Variants in ROR2 observed in about 807,000 individuals in gnomAD.
The protein encoded by ROR2 is ROR family WNT receptor 2.
A neutral mutation model predicts 74.9 loss-of-function variants in ROR2; 33 were observed. The ratio of observed to expected loss-of-function variants is 0.44; its 90% CI spans 0.33 to 0.59. The LOEUF (loss-of-function observed/expected upper bound fraction) is 0.59, where lower values mean the gene tolerates loss of function less well. ROR2 is among the 20% of genes least tolerant of loss of function. ROR2 has a pLI of 0.02. For synonymous variants in ROR2, 586 were observed against 558.7 expected (o/e 1.05, Z -0.69); for missense variants, 1,216 against 1,313.8 (o/e 0.93, Z 1.15).
intron 2 of ROR2, among the ~76,000 whole-genome samples, chr9:91,774,138 T>C (rs1023370687): frequency 4.6e-5 from 7 of 152,186 alleles, no homozygotes; most frequent in African/African-American, 1.7e-4. Flanking sequence ...TTTTTCTTCC[T>C]AAGGAAATGT....
intron 1 of ROR2, among the ~76,000 whole-genome samples, chr9:91,780,611 T>A (rs936061746): frequency 1.3e-5 from 2 of 151,562 alleles, no homozygotes; most frequent in African/African-American, 4.9e-5. Flanking sequence ...GCCAACGTGG[T>A]GAAATCCCAT....
intron 1 of ROR2, among the ~76,000 whole-genome samples, chr9:91,800,102 G>C (rs910464237): frequency 9.9e-5 from 15 of 152,220 alleles, no homozygotes; most frequent in Non-Finnish European, 1.6e-4. Context: ...AGCACTTTGG[G>C]AGGCTGAAGT....
chr9:91,828,512 G>A (rs1022413854), intron 1 of ROR2, among the ~76,000 whole-genome samples: 3 of 152,104 alleles, frequency 2.0e-5, no homozygotes, highest in African/African-American at 4.8e-5. Flanking sequence ...TCAGGAGTTC[G>A]AGACCAGCCT....
chr9:91,902,195 G>A (rs1410002718), intron 1 of ROR2, among the ~76,000 whole-genome samples: 3 of 152,110 alleles, frequency 2.0e-5, no homozygotes, highest in African/African-American at 7.2e-5. Flanking sequence ...ACAAAGAAGA[G>A]GAAGGAGAAA....
chr9:91,753,687 A>G lies in ROR2; in HGVS notation c.494+2384T>C, dbSNP rs577644712. 2.6e-5 allele frequency among the ~76,000 whole-genome samples: 4 copies of G among 152,314 alleles called. No homozygotes were observed. The South Asian group carries it at 6.2e-4, about 24-fold the overall frequency. ...ATGCCTGTCACAATGGAACAGTCAC[A>G]TGCTCTGCACATGAGTCCAGAAACA... On this transcript the variant is annotated intron_variant, in intron 4 of 8. Coordinates refer to ENST00000375708, the MANE Select transcript of ROR2 (RefSeq NM_004560.4).
chr9:91,722,961 C>A lies in ROR2; in HGVS notation c.*701G>T, dbSNP rs114631492. 343 of 201,140 alleles carry A rather than the reference C, an allele frequency of 1.7e-3. No homozygotes were observed. The highest frequency in any genetic ancestry group is 7.6e-3 in the African/African-American group (333 of 43,908). 12.5% of individuals were successfully genotyped at this position (201,140 alleles called of 1,614,324 possible). A position where few individuals can be genotyped will look rare whatever the true frequency, so the allele number is the denominator to read the frequency against. On this transcript the variant is annotated 3_prime_UTR_variant, in exon 9 of 9. Coordinates refer to ENST00000375708, the MANE Select transcript of ROR2 (RefSeq NM_004560.4). The stretch of plus-strand genomic sequence containing the variant: ...CATTCCAAACCCAAGAAACACTTTC[C>A]CTTGAATTCCCAAAAAAAGTGGGCA...
At chr9:91,819,046 G>C (rs1253907614) in intron 1 of ROR2, among the ~76,000 whole-genome samples, 2 of 152,178 alleles carry the variant, frequency 1.3e-5, no homozygotes, top group African/African-American at 4.8e-5. Flanking sequence ...GAGGTGGTCC[G>C]CCTCTTCCTC....
At chr9:91,725,488 G>A (rs1468675265) in intron 8 of ROR2, among the ~76,000 whole-genome samples, 4 of 152,122 alleles carry the variant, frequency 2.6e-5, no homozygotes, top group Non-Finnish European at 5.9e-5. Flanking sequence ...TACCCTGCCA[G>A]GTTCCCTCCA....
At chr9:91,800,198 C>T (rs1334820913) in intron 1 of ROR2, among the ~76,000 whole-genome samples, 5 of 151,964 alleles carry the variant, frequency 3.3e-5, no homozygotes, top group African/African-American at 1.2e-4. Flanking sequence ...AAAAATTAGC[C>T]GGGGGCGGTG....
chr9:91,804,538 G>C (rs1468819143), intron 1 of ROR2, among the ~76,000 whole-genome samples: 3 of 152,196 alleles, frequency 2.0e-5, no homozygotes, highest in African/African-American at 4.8e-5. Flanking sequence ...CCTGAGGAGA[G>C]AGAAAGGCGG....
chr9:91,851,726 C>A (rs1825764906), intron 1 of ROR2, among the ~76,000 whole-genome samples: 2 of 151,994 alleles, frequency 1.3e-5, no homozygotes, highest in African/African-American at 4.8e-5. Context: ...CCTGTAATCC[C>A]AGCACTTTGG....
chr9:91,766,562 A>C (rs1174912475), intron 2 of ROR2, among the ~76,000 whole-genome samples: 1 of 152,256 alleles, frequency 6.6e-6, no homozygotes, highest in Non-Finnish European at 1.5e-5. Flanking sequence ...AGCGGGAAAG[A>C]AAGCTCTCTA....
At chr9:91,788,502 C>G (rs764487732) in intron 1 of ROR2, among the ~76,000 whole-genome samples, 1 of 151,446 alleles carries the variant, frequency 6.6e-6, no homozygotes, top group Non-Finnish European at 1.5e-5. Flanking sequence ...GCTGGCTTCT[C>G]ATCAGAACCC....
At chr9:91,806,740 C>T (rs1827561322) in intron 1 of ROR2, among the ~76,000 whole-genome samples, 1 of 152,164 alleles carries the variant, frequency 6.6e-6, no homozygotes, top group African/African-American at 2.4e-5. Flanking sequence ...CAGGCACCCA[C>T]CACCACACCC....
At chr9:91,851,462 T>C (rs1218591600) in intron 1 of ROR2, among the ~76,000 whole-genome samples, 2 of 152,210 alleles carry the variant, frequency 1.3e-5, no homozygotes, top group Admixed American at 6.5e-5. Context: ...TCTATTTAAT[T>C]ATGACAATAC....
At chr9:91,810,842 C>T (rs1029913346) in intron 1 of ROR2, among the ~76,000 whole-genome samples, 3 of 152,206 alleles carry the variant, frequency 2.0e-5, no homozygotes, top group Non-Finnish European at 2.9e-5. Flanking sequence ...GACCCCACTT[C>T]GCTGTGAGGA....
At chr9:91,787,108 G>C (rs1005627807) in intron 1 of ROR2, among the ~76,000 whole-genome samples, 1 of 152,200 alleles carries the variant, frequency 6.6e-6, no homozygotes, top group Non-Finnish European at 1.5e-5. Context: ...TTGATGAAAG[G>C]TGTCAGAAAC....
At chr9:91,737,256 G>T in intron 5 of ROR2, 135 bp downstream of exon 5, 2 of 1,181,170 alleles carry the variant, frequency 1.7e-6, no homozygotes, top group Non-Finnish European at 2.5e-6. Flanking sequence ...AAGATCTCTG[G>T]TTTCTACCAC....
Position 91,802,399 on chromosome 9 carries a change from T to C in ROR2, c.98-26581A>G, listed in dbSNP as rs529241537. On this transcript the variant is annotated intron_variant, in intron 1 of 8. Coordinates refer to ENST00000375708, the MANE Select transcript of ROR2 (RefSeq NM_004560.4). ...CCAATTTGGCTCACTTGGCCCAACC[T>C]GTCCTTTTGTATCACCCAGCAGAAC... is the stretch of plus-strand genomic sequence containing the variant. Among the ~76,000 whole-genome samples the C allele has an allele frequency of 4.6e-5, 7 of 152,268 alleles. No individual in the cohort carries two copies. In the East Asian group the frequency reaches 1.4e-3, roughly 29 times the overall value.
Sources: allele counts gnomAD v4.1 joint callset (sites outside exome capture counted in the v4.1 genomes callset), GRCh38; gene constraint gnomAD v4.1.1; transcripts MANE v1.5; gene names NCBI Gene and HGNC (gene_info 2026-07-23, HGNC 2026-07-21).